The following ARHGAP26 variants were observed in gnomAD, a reference collection of about 807,000 sequenced individuals.
ARHGAP26 encodes the protein rho GTPase-activating protein 26.
Under a neutral mutation model 104.8 loss-of-function variants are expected in ARHGAP26, and 38 were observed. That is an observed-to-expected ratio of 0.36 (90% CI 0.28 to 0.48). The LOEUF (loss-of-function observed/expected upper bound fraction) is 0.48. Among genes scored for constraint, ARHGAP26 ranks in the 20% least tolerant of loss-of-function variants. ARHGAP26 has a pLI of 0.99. For synonymous variants in ARHGAP26, 341 were observed against 340.0 expected, an observed-to-expected ratio of 1.00 and a Z score of -0.03; for missense variants, 704 against 947.9, an observed-to-expected ratio of 0.74 and a Z score of 3.38.
At chr5:142,962,280 C>CT (rs1252961047) in intron 11 of ARHGAP26, among the ~76,000 whole-genome samples, 1 of 152,012 alleles carries the variant, frequency 6.6e-6, no homozygotes, top group Non-Finnish European at 1.5e-5. Flanking sequence ...TTTGTTTTGC[C>CT]TTTTTTGCAT....
intron 20 of ARHGAP26, among the ~76,000 whole-genome samples, chr5:143,184,637 G>A (rs111556779): frequency 1.6e-4 from 24 of 152,282 alleles, no homozygotes; most frequent in African/African-American, 5.5e-4. Context: ...GTCTCTCATC[G>A]GCCCCCTTGT....
At chr5:142,958,904 T>TA (rs1199020124) in intron 11 of ARHGAP26, among the ~76,000 whole-genome samples, 1,472 of 88,114 alleles carry the variant, frequency 0.017, 17 homozygotes, top group East Asian at 0.059. Flanking sequence ...CGCTGTCTCT[T>TA]AAAAAAAAAA....
chr5:142,868,004 G>T (rs922820851), intron 1 of ARHGAP26: 1 of 152,164 alleles, frequency 6.6e-6, no homozygotes, highest in African/African-American at 2.4e-5. Context: ...GGGCTTTGGG[G>T]ATAGAGTGGT....
intron 1 of ARHGAP26, among the ~76,000 whole-genome samples, chr5:142,847,439 C>T (rs1182310567): frequency 6.6e-6 from 1 of 151,896 alleles, no homozygotes; most frequent in Non-Finnish European, 1.5e-5. Context: ...CTCACAGCAA[C>T]CTCTGCCTCC....
At chr5:142,934,299 ATCT>A (rs1477993716) in intron 11 of ARHGAP26, among the ~76,000 whole-genome samples, 4 of 152,264 alleles carry the variant, frequency 2.6e-5, no homozygotes, top group East Asian at 1.9e-4. Flanking sequence ...TGAAAGAAAC[ATCT>A]TCTTGCTCCA....
chr5:142,880,258 G>A (rs903052387), intron 4 of ARHGAP26, among the ~76,000 whole-genome samples: 1 of 152,188 alleles, frequency 6.6e-6, no homozygotes, highest in African/African-American at 2.4e-5. Context: ...AGTGGCTCAT[G>A]CCTGTAATCC....
intron 12 of ARHGAP26, among the ~76,000 whole-genome samples, chr5:143,030,681 A>G (rs547491706): frequency 5.3e-5 from 8 of 152,272 alleles, no homozygotes; most frequent in Non-Finnish European, 1.2e-4. Context: ...TTGAAATTGA[A>G]AGGTCATTTT....
intron 4 of ARHGAP26, among the ~76,000 whole-genome samples, chr5:142,880,466 C>T (rs1406454132): frequency 3.3e-5 from 5 of 151,560 alleles, no homozygotes; most frequent in South Asian, 2.1e-4. Flanking sequence ...TGCAGTGAGC[C>T]GAGATCGCGC....
intron 4 of ARHGAP26, among the ~76,000 whole-genome samples, chr5:142,881,484 C>A (rs1756995480): frequency 6.6e-6 from 1 of 152,046 alleles, no homozygotes; most frequent in Non-Finnish European, 1.5e-5. Context: ...TAGTCACTCA[C>A]CAAAGCATGT....
At chr5:143,145,346 T>C (rs1799029531) in intron 19 of ARHGAP26, among the ~76,000 whole-genome samples, 1 of 152,198 alleles carries the variant, frequency 6.6e-6, no homozygotes, top group Non-Finnish European at 1.5e-5. Context: ...TTAATACAAC[T>C]GTTTTTCTTC....
At chr5:142,809,677 C>G (rs1225867725) in intron 1 of ARHGAP26, among the ~76,000 whole-genome samples, 1 of 152,222 alleles carries the variant, frequency 6.6e-6, no homozygotes, top group Admixed American at 6.5e-5. Flanking sequence ...AATAATCTTA[C>G]AGTCATGCTT....
chr5:143,056,316 C>CTT (rs10672936), intron 16 of ARHGAP26, among the ~76,000 whole-genome samples: 4,818 of 79,642 alleles, frequency 0.06, 170 homozygotes, highest in South Asian at 0.13. Flanking sequence ...CTTCAGAAGT[C>CTT]TTTTTTTTTT....
intron 17 of ARHGAP26, among the ~76,000 whole-genome samples, chr5:143,060,463 G>A (rs1786538704): frequency 6.6e-6 from 1 of 152,050 alleles, no homozygotes; most frequent in Non-Finnish European, 1.5e-5. Flanking sequence ...TGGGTGGGGG[G>A]AAGGATAAAA....
At chr5:142,854,196 C>A (rs1751982392) in intron 1 of ARHGAP26, among the ~76,000 whole-genome samples, 1 of 152,232 alleles carries the variant, frequency 6.6e-6, no homozygotes, top group Non-Finnish European at 1.5e-5. Context: ...TGGGAGAATT[C>A]TTAATGCCTG....
At chr5:142,981,176 TAAAG>T (rs1773890490) in intron 11 of ARHGAP26, among the ~76,000 whole-genome samples, 1 of 152,208 alleles carries the variant, frequency 6.6e-6, no homozygotes, top group Admixed American at 6.5e-5. Context: ...TGGTTAGTGA[TAAAG>T]AACATAGGCT....
At chr5:142,992,469 T>C (rs908608493) in intron 11 of ARHGAP26, among the ~76,000 whole-genome samples, 1 of 151,772 alleles carries the variant, frequency 6.6e-6, no homozygotes, top group African/African-American at 2.4e-5. Context: ...AGTCTTGCCC[T>C]GTCACCTAGG....
chr5:143,004,730 G>A (rs906368671), intron 11 of ARHGAP26, among the ~76,000 whole-genome samples: 3 of 152,196 alleles, frequency 2.0e-5, no homozygotes, highest in Non-Finnish European at 2.9e-5. Flanking sequence ...ATGTTTTGAA[G>A]CCTTCTCTTC....
In ARHGAP26 at chr5:142,871,860, A is replaced by G. The variant is rs957964893; in HGVS notation, c.155-1540A>G. Among the ~76,000 whole-genome samples, 5 of 152,210 alleles carry G rather than the reference A, an allele frequency of 3.3e-5. No individual in the cohort carries two copies. Among genetic ancestry groups the G allele is most frequent in the Admixed American group, 6.5e-5 (1 of 15,288 alleles). On this transcript the variant is annotated intron_variant, in intron 1 of 22. Coordinates refer to ENST00000645722, the MANE Select transcript of ARHGAP26 (RefSeq NM_001135608.3). This position sits in a 1 kb window ranked among gnomAD's most constrained non-coding sequence, Gnocchi z 4.1. ...AGTGACTGAACGAGGGAGAGATCGGAGACTGTTGGCTCCTGTGTTCCCCTT... is the reference window on the plus strand; with the variant it reads ...AGTGACTGAACGAGGGAGAGATCGGGGACTGTTGGCTCCTGTGTTCCCCTT...
intron 20 of ARHGAP26, among the ~76,000 whole-genome samples, chr5:143,149,653 C>T (rs1469989115): frequency 6.6e-6 from 1 of 152,180 alleles, no homozygotes; most frequent in Non-Finnish European, 1.5e-5. Context: ...TAACAATCAC[C>T]TGAGACGACT....
Sources: allele counts gnomAD v4.1 joint callset (sites outside exome capture counted in the v4.1 genomes callset), GRCh38; gene constraint gnomAD v4.1.1; non-coding constraint Gnocchi (gnomAD v3.1); transcripts MANE v1.5; gene names NCBI Gene and HGNC (gene_info 2026-07-23, HGNC 2026-07-21).